The following PHACTR4 variants were observed in gnomAD, a reference collection of about 807,000 sequenced individuals.
PHACTR4 encodes the protein phosphatase and actin regulator 4.
In PHACTR4, 51 loss-of-function variants were observed where a neutral mutation model predicts 72.7. The ratio of observed to expected loss-of-function variants is 0.70; its 90% confidence interval spans 0.56 to 0.89. The LOEUF is 0.89. Among genes scored for constraint, PHACTR4 ranks in the 40% least tolerant of loss-of-function variants. The probability of loss-of-function intolerance (pLI) is 0.00; values close to 1 mark genes in which losing one functional copy is unlikely to be tolerated. For synonymous variants in PHACTR4, 255 were observed against 302.5 expected, an observed-to-expected ratio of 0.84 and a Z score of 1.63; for missense variants, 731 against 861.8, an observed-to-expected ratio of 0.85 and a Z score of 1.90.
At chr1:28,432,608 G>A (rs1048846041) in intron 2 of PHACTR4, among the ~76,000 whole-genome samples, 1 of 151,912 alleles carries the variant, frequency 6.6e-6, no homozygotes, top group Non-Finnish European at 1.5e-5. Flanking sequence ...CTGCACTCCA[G>A]CCTAAGTGAC....
chr1:28,450,745 G>A (rs962272207), intron 2 of PHACTR4, among the ~76,000 whole-genome samples: 23 of 151,810 alleles, frequency 1.5e-4, no homozygotes, highest in Admixed American at 6.6e-4. Context: ...TTAGCCTACC[G>A]AGTATCTGGG....
intron 1 of PHACTR4, among the ~76,000 whole-genome samples, chr1:28,378,217 T>G (rs1651848766): frequency 1.2e-5 from 1 of 84,910 alleles, no homozygotes; most frequent in Non-Finnish European, 2.3e-5. Flanking sequence ...AAAAAAAAAA[T>G]TTGGCCAGGC....
At chr1:28,389,728 G>GC (rs766353545) in intron 1 of PHACTR4, among the ~76,000 whole-genome samples, 2 of 152,034 alleles carry the variant, frequency 1.3e-5, no homozygotes, top group Non-Finnish European at 2.9e-5. Context: ...GCCTGCCTCG[G>GC]CCCCCCACCA....
intron 2 of PHACTR4, chr1:28,453,617 G>A: frequency 8.2e-7 from 1 of 1,221,896 alleles, no homozygotes; most frequent in African/African-American, 1.5e-5. Flanking sequence ...CTACAGTGAG[G>A]TGAAACAAAT....
chr1:28,494,643 CTG>C (rs1041825859), intron 13 of PHACTR4, among the ~76,000 whole-genome samples: 5 of 152,328 alleles, frequency 3.3e-5, no homozygotes, highest in Admixed American at 3.3e-4. Context: ...CAGAGCAAGA[CTG>C]TCTCTCAAAA....
chr1:28,489,423 G>A (rs1321786886), intron 10 of PHACTR4, among the ~76,000 whole-genome samples, 198 bp downstream of exon 10: 1 of 152,208 alleles, frequency 6.6e-6, no homozygotes, highest in Admixed American at 6.5e-5. Context: ...GTATTGTTTA[G>A]TGTGCTGTGA....
At position 28,493,411 on chromosome 1, in the gene PHACTR4, G is replaced by A. The variant is rs115611500; in HGVS notation, c.2093+320G>A. 5.3e-3 allele frequency among the ~76,000 whole-genome samples: 802 copies of A among 152,082 alleles called. 5 individuals carry two copies. Among genetic ancestry groups the A allele is most frequent in the African/African-American group, 0.017 (722 of 41,474 alleles). ...AAATTAGCTGGGCCTGGTAGCAGGCGCCTGTAATCCCAACTATTAGGGAGG... is the reference window on the plus strand; with the variant it reads ...AAATTAGCTGGGCCTGGTAGCAGGCACCTGTAATCCCAACTATTAGGGAGG... On this transcript the variant is annotated intron_variant, in intron 13 of 13. Coordinates refer to ENST00000373839, the MANE Select transcript of PHACTR4 (RefSeq NM_001048183.3).
intron 2 of PHACTR4, 67 bp from the exon 3 acceptor site, chr1:28,459,018 G>A: frequency 7.1e-7 from 1 of 1,413,956 alleles, no homozygotes. Flanking sequence ...AGAGGGGAAG[G>A]GACATTTTAG....
At chr1:28,449,968 C>T (rs954522249) in intron 2 of PHACTR4, among the ~76,000 whole-genome samples, 18 of 152,114 alleles carry the variant, frequency 1.2e-4, no homozygotes, top group African/African-American at 4.3e-4. Flanking sequence ...TAGAACTCTG[C>T]ATAATTAATG....
At chr1:28,370,343 A>G (rs563533645) in intron 1 of PHACTR4, among the ~76,000 whole-genome samples, 7 of 152,290 alleles carry the variant, frequency 4.6e-5, no homozygotes, top group Admixed American at 2.0e-4. Context: ...TTAACTTTCA[A>G]ACATCAGCCT....
At chr1:28,480,324 T>G (rs913055382) in intron 8 of PHACTR4, 127 bp from the exon 9 acceptor site, 1 of 1,111,266 alleles carries the variant, frequency 9.0e-7, no homozygotes. Context: ...AGCTGGATCA[T>G]TTGAGGCCAG....
rs1205502367 is a variant in PHACTR4, at chr1:28,453,890, G to C, written c.17-5195G>C. 3.6e-6 allele frequency: 3 copies of C among 835,968 alleles called. No individual in the cohort carries two copies. In the East Asian group the frequency reaches 1.0e-4, roughly 28 times the overall value. The allele number at this position is 835,968 out of a possible 1,614,324, so 51.8% of individuals were successfully genotyped here. On this transcript the variant is annotated intron_variant, in intron 2 of 13. Transcript: ENST00000373839. Reference sequence around the variant, plus strand: ...CTACTGGATCAGGACCAAAAGAAGAGGACCCTGGATGTAATTCAGGCAGGA... The same window carrying C: ...CTACTGGATCAGGACCAAAAGAAGACGACCCTGGATGTAATTCAGGCAGGA...
intron 1 of PHACTR4, among the ~76,000 whole-genome samples, chr1:28,387,157 A>G (rs2124172582): frequency 6.6e-6 from 1 of 150,900 alleles, no homozygotes; most frequent in Non-Finnish European, 1.5e-5. Flanking sequence ...GCTACTCGGG[A>G]GGCTGAGGTA....
intron 4 of PHACTR4, 54 bp downstream of exon 4, chr1:28,460,346 T>A: frequency 7.7e-7 from 1 of 1,292,774 alleles, no homozygotes; most frequent in South Asian, 1.2e-5. Context: ...GGTCTTTGAT[T>A]GGGTCTGACG....
At chr1:28,373,249 G>A (rs965696610) in intron 1 of PHACTR4, among the ~76,000 whole-genome samples, 2 of 151,656 alleles carry the variant, frequency 1.3e-5, no homozygotes, top group African/African-American at 2.4e-5. Flanking sequence ...GTGAGCCAGT[G>A]TGTCTAGCTA....
intron 2 of PHACTR4, among the ~76,000 whole-genome samples, chr1:28,440,175 G>A (rs1002529936): frequency 1.3e-4 from 20 of 151,056 alleles, no homozygotes; most frequent in African/African-American, 2.4e-4. Context: ...GGTGGCGGGC[G>A]CCTGTAGCCC....
At chr1:28,427,551 G>A (rs1452213608) in intron 2 of PHACTR4, among the ~76,000 whole-genome samples, 3 of 152,002 alleles carry the variant, frequency 2.0e-5, no homozygotes, top group Non-Finnish European at 4.4e-5. Context: ...AAATAAAAAG[G>A]CTATAGTATT....
chr1:28,454,686 A>T (rs918407427), intron 2 of PHACTR4, among the ~76,000 whole-genome samples: 8 of 152,164 alleles, frequency 5.3e-5, no homozygotes, highest in African/African-American at 1.7e-4. Context: ...TAATTGGCAT[A>T]TTTAGAACAC....
At chr1:28,390,357 A>C (rs1257240168) in intron 1 of PHACTR4, among the ~76,000 whole-genome samples, 1 of 152,176 alleles carries the variant, frequency 6.6e-6, no homozygotes, top group African/African-American at 2.4e-5. Context: ...TAAAATGTCA[A>C]ACTCAATCTT....
Sources: gnomAD v4.1 joint callset for allele counts (sites outside exome capture counted in the v4.1 genomes callset) on GRCh38, gnomAD v4.1.1 for gene constraint, MANE v1.5 for transcripts, NCBI Gene and HGNC (gene_info 2026-07-23, HGNC 2026-07-21) for gene names.